KIF6: variants seen among roughly 807,000 people sequenced by gnomAD.
The protein encoded by KIF6 is kinesin-like protein KIF6.
Under a neutral mutation model 112.7 loss-of-function variants are expected in KIF6, and 106 were observed. The ratio of observed to expected loss-of-function variants is 0.94; its 90% CI spans 0.80 to 1.11. KIF6 has a LOEUF of 1.11. Among genes scored for constraint, KIF6 ranks in the 50% least tolerant of loss-of-function variants. The pLI, the probability that KIF6 is intolerant of heterozygous loss-of-function variation, is 0.00. For synonymous variants in KIF6, 339 were observed against 339.9 expected (o/e 1.00, Z 0.03); for missense variants, 929 against 964.0 (o/e 0.96, Z 0.48).
intron 13 of KIF6, among the ~76,000 whole-genome samples, chr6:39,503,417 T>C (rs940209291): frequency 2.0e-5 from 3 of 151,180 alleles, no homozygotes; most frequent in African/African-American, 4.9e-5. Context: ...CAACCTGAGA[T>C]CACAACTAAG....
chr6:39,380,497 G>C (rs1000024528), intron 16 of KIF6, among the ~76,000 whole-genome samples: 1 of 152,232 alleles, frequency 6.6e-6, no homozygotes, highest in Admixed American at 6.5e-5. Context: ...AGCCAGGAAA[G>C]AGAGTAGGAA....
At chr6:39,462,378 A>G (rs973925199) in intron 13 of KIF6, among the ~76,000 whole-genome samples, 5 of 152,228 alleles carry the variant, frequency 3.3e-5, no homozygotes, top group African/African-American at 7.2e-5. Context: ...AAGTTAGTAC[A>G]CTAAGAATGA....
chr6:39,652,464 T>A (rs1380707950), intron 3 of KIF6, among the ~76,000 whole-genome samples: 1 of 150,424 alleles, frequency 6.6e-6, no homozygotes, highest in Non-Finnish European at 1.5e-5. Flanking sequence ...GAGGTGGAGG[T>A]TGCAGTGAGC....
intron 7 of KIF6, among the ~76,000 whole-genome samples, chr6:39,589,520 C>T (rs1372355017): frequency 2.0e-5 from 3 of 152,142 alleles, no homozygotes; most frequent in Admixed American, 2.0e-4. Flanking sequence ...TCGTGGCAGC[C>T]CTCATTCTAG....
chr6:39,384,664 G>A (rs1009582687), intron 16 of KIF6, among the ~76,000 whole-genome samples: 9 of 152,158 alleles, frequency 5.9e-5, no homozygotes, highest in Admixed American at 6.5e-5. Flanking sequence ...TGACTTTAGA[G>A]GCTCTCCTCT....
intron 3 of KIF6, among the ~76,000 whole-genome samples, chr6:39,710,483 C>T (rs1432574691): frequency 8.0e-6 from 1 of 125,156 alleles, no homozygotes; most frequent in African/African-American, 2.8e-5. Context: ...AAAAAAAAAA[C>T]CCAGTGTTTC....
chr6:39,534,450 G>T (rs1184338146), intron 13 of KIF6, among the ~76,000 whole-genome samples: 1 of 152,196 alleles, frequency 6.6e-6, no homozygotes, highest in East Asian at 1.9e-4. Flanking sequence ...TCAACTGGAA[G>T]AAAGAGTATC....
intron 6 of KIF6, among the ~76,000 whole-genome samples, chr6:39,604,072 T>C (rs566653340): frequency 1.3e-5 from 2 of 152,272 alleles, no homozygotes; most frequent in East Asian, 3.9e-4. Context: ...AGAATTCAGC[T>C]TTCCACTTCA....
At chr6:39,455,349 C>T (rs147887076) in intron 13 of KIF6, among the ~76,000 whole-genome samples, 3,987 of 151,780 alleles carry the variant, frequency 0.026, 77 homozygotes, top group Non-Finnish European at 0.04. Flanking sequence ...GGAAGGACAT[C>T]CACACCGAAA....
At chr6:39,503,486 G>A (rs1027968592) in intron 13 of KIF6, among the ~76,000 whole-genome samples, 2 of 151,924 alleles carry the variant, frequency 1.3e-5, no homozygotes, top group Admixed American at 1.3e-4. Flanking sequence ...GAGCTGAACT[G>A]AAGGAGACAG....
chr6:39,694,503 T>C (rs2113814320), intron 3 of KIF6, among the ~76,000 whole-genome samples: 1 of 152,240 alleles, frequency 6.6e-6, no homozygotes, highest in East Asian at 1.9e-4. Flanking sequence ...CAAAAATCAC[T>C]ATCATTTCTG....
chr6:39,337,422 C>T lies in KIF6; in HGVS notation c.2429-874G>A, dbSNP rs370511680. On this transcript the variant is annotated intron_variant, in intron 22 of 22. Transcript: ENST00000287152. ...CTGCCTCCGGGGTTCAAGTGATTCT[C>T]CTGCCTCAGCCTCCCAAGTATCTGG... 1.6e-4 allele frequency among the ~76,000 whole-genome samples: 24 copies of T among 151,686 alleles called. No individual in the cohort carries two copies. In the East Asian group the frequency reaches 2.3e-3, roughly 15 times the overall value.
intron 13 of KIF6, among the ~76,000 whole-genome samples, chr6:39,488,173 G>T (rs963804591): frequency 2.0e-5 from 3 of 152,174 alleles, no homozygotes; most frequent in African/African-American, 7.2e-5. Flanking sequence ...TCGACACTTA[G>T]TTTGACAGAG....
At chr6:39,691,063 T>A (rs1408359647) in intron 3 of KIF6, 1 of 152,226 alleles carries the variant, frequency 6.6e-6, no homozygotes. Context: ...TAAAAACGTG[T>A]TCACCATTTA....
At chr6:39,626,477 T>C (rs1561875983) in intron 5 of KIF6, among the ~76,000 whole-genome samples, 1 of 152,118 alleles carries the variant, frequency 6.6e-6, no homozygotes, top group Non-Finnish European at 1.5e-5. Context: ...ACACGGTTAA[T>C]ATCCTGGTTC....
intron 13 of KIF6, among the ~76,000 whole-genome samples, chr6:39,520,136 A>G (rs1297190286): frequency 2.0e-5 from 3 of 152,176 alleles, no homozygotes; most frequent in Non-Finnish European, 4.4e-5. Context: ...AGTTTCTTAT[A>G]TACTAGCTAT....
Position 39,586,378 on chromosome 6 carries a change from G to C in KIF6, c.873C>G (p.His291Gln). 1 of 1,614,098 alleles carries C rather than the reference G, an allele frequency of 6.2e-7. No individual in the cohort carries two copies. The highest frequency in any genetic ancestry group is 8.5e-7 in the Non-Finnish European group (1 of 1,179,980). The stretch of plus-strand genomic sequence containing the variant: ...AGTTTCTATAAGGAATGTGCGAACG[G>C]TGCTTTTCTGAAAGGGCAATGATAA... Reference protein sequence around the residue: ...EQVIIALSEKHRSHIPYRNSM... With the variant: ...EQVIIALSEKQRSHIPYRNSM... Residue 291 changes from histidine to glutamine, a missense_variant, in exon 8 of 23, where the codon CAC (histidine) becomes CAG (glutamine). Transcript: ENST00000287152.
chr6:39,439,236 C>T (rs1229188254), intron 13 of KIF6, among the ~76,000 whole-genome samples: 1 of 152,316 alleles, frequency 6.6e-6, no homozygotes, highest in East Asian at 1.9e-4. Flanking sequence ...CAAAGACATA[C>T]ATTTTATCTT....
At chr6:39,573,803 T>G (rs1342883945) in intron 10 of KIF6, among the ~76,000 whole-genome samples, 1 of 152,236 alleles carries the variant, frequency 6.6e-6, no homozygotes, top group Non-Finnish European at 1.5e-5. Flanking sequence ...TGTTTATATA[T>G]CACATCATTA....
Sources: allele counts gnomAD v4.1 joint callset (sites outside exome capture counted in the v4.1 genomes callset), GRCh38; gene constraint gnomAD v4.1.1; transcripts MANE v1.5; gene names NCBI Gene and HGNC (gene_info 2026-07-23, HGNC 2026-07-21).